The following SKAP1 variants were observed in gnomAD, a reference collection of about 807,000 sequenced individuals.
The protein encoded by SKAP1 is src kinase-associated phosphoprotein 1.
SKAP1 carries 44 observed loss-of-function variants against 58.5 expected under a neutral mutation model. The observed-to-expected ratio is 0.75, with a 90% CI of 0.59 to 0.97. SKAP1 has a LOEUF of 0.97. SKAP1 is among the 50% of genes least tolerant of loss of function. The pLI is 0.00. For missense variants in SKAP1, 390 were observed against 435.2 expected (o/e 0.90, Z 0.92); for synonymous variants, 127 against 149.7 (o/e 0.85, Z 1.11).
At chr17:48,226,897 A>C (rs1436551178) in intron 4 of SKAP1, among the ~76,000 whole-genome samples, 1 of 152,166 alleles carries the variant, frequency 6.6e-6, no homozygotes, top group East Asian at 1.9e-4. Context: ...GTGGGGTTTG[A>C]AATGGGCAGG....
At position 48,325,248 on chromosome 17, in the gene SKAP1, C is replaced by CAAAAAA. The variant is rs200281665; in HGVS notation, c.280+20651_280+20656dup. Among the ~76,000 whole-genome samples the CAAAAAA allele has an allele frequency of 3.8e-4, 35 of 91,420 alleles. 1 individual carries two copies. Among genetic ancestry groups the CAAAAAA allele is most frequent in the Admixed American group, 1.1e-3 (9 of 8,392 alleles). The allele number at this position is 91,420 out of a possible 152,430, so 60.0% of individuals were successfully genotyped here. A position where few individuals can be genotyped will look rare whatever the true frequency, so the allele number is the denominator to read the frequency against. ...TGGGCGACAGAGTGAGACTCCGTCT[C>CAAAAAA]AAAAAAAAAAAAAAAAAAAAAAAAA... On this transcript the variant is annotated intron_variant, in intron 4 of 12. Transcript: ENST00000336915.
chr17:48,223,636 T>G (rs1442183670), intron 4 of SKAP1, among the ~76,000 whole-genome samples: 1 of 152,168 alleles, frequency 6.6e-6, no homozygotes, highest in Non-Finnish European at 1.5e-5. Flanking sequence ...CCTGCAAATT[T>G]CCATCAATCA....
At chr17:48,323,368 C>T (rs1452792906) in intron 4 of SKAP1, among the ~76,000 whole-genome samples, 3 of 151,960 alleles carry the variant, frequency 2.0e-5, no homozygotes, top group African/African-American at 7.2e-5. Context: ...AAATTTTATT[C>T]ACAGAGTCCA....
intron 11 of SKAP1, among the ~76,000 whole-genome samples, chr17:48,148,201 G>A (rs1342246317): frequency 6.6e-6 from 1 of 152,216 alleles, no homozygotes; most frequent in Non-Finnish European, 1.5e-5. Context: ...TGGGTGAAAT[G>A]TGTGCAAAAC....
intron 1 of SKAP1, among the ~76,000 whole-genome samples, chr17:48,422,167 C>T (rs1173301455): frequency 6.6e-6 from 1 of 152,088 alleles, no homozygotes; most frequent in Non-Finnish European, 1.5e-5. Context: ...GCCAAGATTG[C>T]ACCACTGCAC....
At chr17:48,196,919 CAT>C (rs1385782706) in intron 4 of SKAP1, 1 of 152,274 alleles carries the variant, frequency 6.6e-6, no homozygotes, top group Non-Finnish European at 1.5e-5. Flanking sequence ...TAAAAGGACA[CAT>C]GAGTTAAGTA....
Position 48,346,548 on chromosome 17 carries a change from C to CG in SKAP1, c.179-543dup, listed in dbSNP as rs560355575. Among the ~76,000 whole-genome samples, 202 of 151,866 alleles carry CG rather than the reference C, an allele frequency of 1.3e-3. 1 individual carries two copies. The highest frequency in any genetic ancestry group is 4.5e-3 in the African/African-American group (185 of 41,414). ...CTAGGGCAGGAGAATCGCTTGAACC[C>CG]GGGGGGTAGAGGTTGCAGTGAGCCA... On this transcript the variant is annotated intron_variant, in intron 3 of 12. Coordinates refer to ENST00000336915, the MANE Select transcript of SKAP1 (RefSeq NM_003726.4).
chr17:48,253,901 ATAT>A (rs555691263), intron 4 of SKAP1, among the ~76,000 whole-genome samples: 3 of 152,206 alleles, frequency 2.0e-5, no homozygotes, highest in South Asian at 2.1e-4. Flanking sequence ...TATGAGGAAA[ATAT>A]TATGAGTTCT....
chr17:48,405,392 C>CATTTCTTTCTTTCTTTCTTT (rs1491435155), intron 1 of SKAP1, among the ~76,000 whole-genome samples: 1 of 107,310 alleles, frequency 9.3e-6, no homozygotes, highest in African/African-American at 3.7e-5. Flanking sequence ...TTTTCTCTTT[C>CATTTCTTTCTTTCTTTCTTT]CTTTCTTTCT....
chr17:48,436,181 C>T, the SKAP1 span, among the ~76,000 whole-genome samples: 1 of 151,972 alleles, frequency 6.6e-6, no homozygotes, highest in Non-Finnish European at 1.5e-5. Context: ...AAGTGATTCT[C>T]CTGCCTCAAC....
chr17:48,269,091 A>C (rs1299060107), intron 4 of SKAP1, among the ~76,000 whole-genome samples: 1 of 152,088 alleles, frequency 6.6e-6, no homozygotes, highest in African/African-American at 2.4e-5. Context: ...TGATTGAATA[A>C]ATGATTTTGA....
chr17:48,218,074 A>C (rs1235487446), intron 4 of SKAP1, among the ~76,000 whole-genome samples: 1 of 152,194 alleles, frequency 6.6e-6, no homozygotes, highest in Non-Finnish European at 1.5e-5. Flanking sequence ...CCAGCTTGCC[A>C]CCTTTGGGAT....
At chr17:48,302,486 T>C (rs1387104959) in intron 4 of SKAP1, among the ~76,000 whole-genome samples, 1 of 152,200 alleles carries the variant, frequency 6.6e-6, no homozygotes, top group African/African-American at 2.4e-5. Flanking sequence ...CTCCATTTCA[T>C]GGAAAACCTT....
intron 4 of SKAP1, among the ~76,000 whole-genome samples, chr17:48,320,199 C>G (rs999806689): frequency 6.6e-6 from 1 of 152,058 alleles, no homozygotes; most frequent in Non-Finnish European, 1.5e-5. Context: ...AACAGAGTAA[C>G]AATTCAAGAA....
chr17:48,349,358 A>G (rs1011885679), intron 3 of SKAP1, among the ~76,000 whole-genome samples: 3 of 152,352 alleles, frequency 2.0e-5, no homozygotes, highest in Admixed American at 6.5e-5. Context: ...CAGCTCTACA[A>G]TTAGGGCTTA....
At chr17:48,162,442 T>C (rs755327045) in intron 11 of SKAP1, 27 bp downstream of exon 11, 1 of 1,537,386 alleles carries the variant, frequency 6.5e-7, no homozygotes, top group South Asian at 1.1e-5. Context: ...TGACTTTCTA[T>C]TTAAGCCCCA....
At chr17:48,408,851 C>T (rs1246875121) in intron 1 of SKAP1, among the ~76,000 whole-genome samples, 2 of 152,138 alleles carry the variant, frequency 1.3e-5, no homozygotes, top group African/African-American at 4.8e-5. Context: ...TGGTGCTACT[C>T]ACAGTGAATG....
At chr17:48,192,565 T>C (rs545048862) in intron 4 of SKAP1, among the ~76,000 whole-genome samples, 35 of 152,242 alleles carry the variant, frequency 2.3e-4, no homozygotes, top group African/African-American at 7.5e-4. Context: ...GCATAAAAAA[T>C]GCCTGAGTGA....
At chr17:48,409,688 G>T (rs1346897088) in intron 1 of SKAP1, among the ~76,000 whole-genome samples, 2 of 146,066 alleles carry the variant, frequency 1.4e-5, no homozygotes, top group African/African-American at 2.5e-5. Flanking sequence ...AAAAAAAAAG[G>T]AATGAACTCT....
Sources: allele counts gnomAD v4.1 joint callset (sites outside exome capture counted in the v4.1 genomes callset), GRCh38; gene constraint gnomAD v4.1.1; transcripts MANE v1.5; gene names NCBI Gene and HGNC (gene_info 2026-07-23, HGNC 2026-07-21).